Variants in EPM2A observed in about 807,000 individuals in gnomAD.
EPM2A encodes the protein EPM2A glucan phosphatase, laforin, also known as laforin.
A neutral mutation model predicts 26.5 loss-of-function variants in EPM2A; 21 were observed. That is an observed-to-expected ratio of 0.79 (90% CI 0.56 to 1.14). The LOEUF (loss-of-function observed/expected upper bound fraction) is 1.14, where lower values mean the gene tolerates loss of function less well. Ranked by LOEUF, EPM2A falls within the 50% of genes most tolerant of loss-of-function variation. The probability of loss-of-function intolerance (pLI) is 0.00; values close to 1 mark genes in which losing one functional copy is unlikely to be tolerated. For synonymous variants in EPM2A, 217 were observed against 177.6 expected, an observed-to-expected ratio of 1.22 and a Z score of -1.76; for missense variants, 458 against 440.8, an observed-to-expected ratio of 1.04 and a Z score of -0.35.
At chr6:145,490,307 C>T in intron 4 of EPM2A, 1 of 1,468,326 alleles carries the variant, frequency 6.8e-7, no homozygotes, top group African/African-American at 1.4e-5. Context: ...CTGGTCCCAG[C>T]TGTTAAACAC....
At chr6:145,487,351 C>T (rs118127125) in intron 4 of EPM2A, among the ~76,000 whole-genome samples, 1,563 of 152,108 alleles carry the variant, frequency 0.01, 19 homozygotes, top group Middle Eastern at 0.048. Flanking sequence ...CCTTTGTATA[C>T]ATACCCAGTA....
At chr6:145,405,175 A>G (rs1057477266) in intron 4 of EPM2A, among the ~76,000 whole-genome samples, 3 of 152,176 alleles carry the variant, frequency 2.0e-5, no homozygotes, top group Non-Finnish European at 2.9e-5. Flanking sequence ...CCACCTAAGA[A>G]GATGTTGGAC....
chr6:145,733,188 CCT>C (rs1776592197), intron 1 of EPM2A, among the ~76,000 whole-genome samples: 1 of 152,026 alleles, frequency 6.6e-6, no homozygotes, highest in African/African-American at 2.4e-5. Context: ...TTTTTCTTAT[CCT>C]CTCTTATAGG....
At chr6:145,570,986 G>A (rs1395544377) in intron 2 of EPM2A, among the ~76,000 whole-genome samples, 1 of 152,142 alleles carries the variant, frequency 6.6e-6, no homozygotes, top group South Asian at 2.1e-4. Context: ...ATAACTTCCA[G>A]TTTAATAGAA....
chr6:145,635,803 A>C (rs1776629855), intron 2 of EPM2A: 1 of 268,334 alleles, frequency 3.7e-6, no homozygotes, highest in African/African-American at 2.2e-5. Context: ...CACATGATAA[A>C]AATCCATCAA....
intron 2 of EPM2A, among the ~76,000 whole-genome samples, chr6:145,590,728 T>C (rs932169188): frequency 6.6e-6 from 1 of 152,024 alleles, no homozygotes; most frequent in African/African-American, 2.4e-5. Flanking sequence ...ATGAAATACA[T>C]CCTACCTCCT....
At chr6:145,708,018 T>A (rs1239763033) in intron 1 of EPM2A, among the ~76,000 whole-genome samples, 3 of 152,118 alleles carry the variant, frequency 2.0e-5, no homozygotes, top group Non-Finnish European at 4.4e-5. Context: ...CAGATGGAGA[T>A]GAGGAACTTC....
At chr6:145,482,616 T>C (rs1042000449) in intron 4 of EPM2A, among the ~76,000 whole-genome samples, 2 of 152,110 alleles carry the variant, frequency 1.3e-5, no homozygotes, top group Admixed American at 6.6e-5. Flanking sequence ...GTAAGCATAA[T>C]GCATGAAAAC....
Position 145,447,527 on chromosome 6 carries a change from T to C in EPM2A, c.555+54995A>G, listed in dbSNP as rs573877117. On this transcript the variant is annotated intron_variant, in intron 4 of 4. Coordinates refer to the EPM2A transcript ENST00000638717. ...TCTGTCTTATTTACAGTTTTCAGTA[T>C]TTTTCCCAAACACAGATTTTATTTT... Among the ~76,000 whole-genome samples the C allele has an allele frequency of 1.1e-4, 16 of 144,668 alleles. No individual in the cohort carries two copies. The East Asian group carries it at 3.1e-3, about 28-fold the overall frequency. The allele number at this position is 144,668 out of a possible 152,430, so 94.9% of individuals were successfully genotyped here. A position where few individuals can be genotyped will look rare whatever the true frequency, so the allele number is the denominator to read the frequency against.
At chr6:145,661,455 C>T (rs558812213) in intron 2 of EPM2A, among the ~76,000 whole-genome samples, 1 of 152,178 alleles carries the variant, frequency 6.6e-6, no homozygotes, top group Non-Finnish European at 1.5e-5. Context: ...TGTTTAAATG[C>T]AAGGGAATCC....
intron 4 of EPM2A, among the ~76,000 whole-genome samples, chr6:145,410,285 A>G (rs1778626711): frequency 6.6e-6 from 1 of 152,152 alleles, no homozygotes; most frequent in African/African-American, 2.4e-5. Flanking sequence ...GGGGAACATG[A>G]GTTTTCCTGG....
At chr6:145,393,592 T>C (rs1159607499) in intron 4 of EPM2A, among the ~76,000 whole-genome samples, 1 of 152,104 alleles carries the variant, frequency 6.6e-6, no homozygotes, top group Non-Finnish European at 1.5e-5. Context: ...GAGAATTTGA[T>C]CTTCAAATTA....
At chr6:145,492,007 T>A (rs1779762148) in intron 4 of EPM2A, 1 of 391,200 alleles carries the variant, frequency 2.6e-6, no homozygotes, top group Non-Finnish European at 4.9e-6. Context: ...CCAGTCCCGA[T>A]CTTGCTGTTT....
At chr6:145,566,225 A>G (rs1175873879) in intron 2 of EPM2A, among the ~76,000 whole-genome samples, 3 of 152,198 alleles carry the variant, frequency 2.0e-5, no homozygotes, top group Non-Finnish European at 4.4e-5. Context: ...ACCCCTTCAC[A>G]TATTTGCTAA....
intron 2 of EPM2A, among the ~76,000 whole-genome samples, chr6:145,615,068 T>C (rs1287706086): frequency 2.6e-5 from 4 of 152,192 alleles, no homozygotes; most frequent in Admixed American, 2.0e-4. Flanking sequence ...CCATCGGTAT[T>C]AGCCCATGAT....
At chr6:145,444,062 C>T (rs1482177264) in intron 4 of EPM2A, among the ~76,000 whole-genome samples, 7 of 152,282 alleles carry the variant, frequency 4.6e-5, no homozygotes, top group Admixed American at 2.6e-4. Context: ...GCACAGGAAT[C>T]GTTTGACTCC....
At chr6:145,569,747 C>T (rs980822421) in intron 2 of EPM2A, among the ~76,000 whole-genome samples, 1 of 151,980 alleles carries the variant, frequency 6.6e-6, no homozygotes, top group Admixed American at 6.5e-5. Flanking sequence ...ATATTATTAT[C>T]CTCATATTTT....
chr6:145,489,939 T>A (rs1562355662), intron 4 of EPM2A: 2 of 1,365,542 alleles, frequency 1.5e-6, no homozygotes, highest in Non-Finnish European at 2.1e-6. Context: ...GATAACTTAT[T>A]TGGACCTGCT....
At chr6:145,630,086 T>C (rs984460703) in intron 3 of EPM2A, 1 of 152,236 alleles carries the variant, frequency 6.6e-6, no homozygotes, top group East Asian at 1.9e-4. Context: ...TCAAGAGGTA[T>C]GTACACAGTT....
Sources: allele counts gnomAD v4.1 joint callset (sites outside exome capture counted in the v4.1 genomes callset), GRCh38; gene constraint gnomAD v4.1.1; transcripts MANE v1.5; gene names NCBI Gene and HGNC (gene_info 2026-07-23, HGNC 2026-07-21).